PCLO: variants seen among roughly 807,000 people sequenced by gnomAD.
The protein encoded by PCLO is piccolo presynaptic cytomatrix protein.
In PCLO, 82 loss-of-function variants were observed where a neutral mutation model predicts 427.5. The observed-to-expected ratio is 0.19, with a 90% confidence interval of 0.16 to 0.23. The LOEUF is 0.23. Among genes scored for constraint, PCLO ranks in the 10% least tolerant of loss-of-function variants. The probability of loss-of-function intolerance (pLI) is 1.00; values close to 1 mark genes in which losing one functional copy is unlikely to be tolerated. For missense variants in PCLO, 6,239 were observed against 6,115.9 expected (o/e 1.02, Z -0.67); for synonymous variants, 2,357 against 2,155.4 (o/e 1.09, Z -2.59).
chr7:82,906,390 T>G (rs1313743161), intron 8 of PCLO, among the ~76,000 whole-genome samples: 1 of 152,022 alleles, frequency 6.6e-6, no homozygotes, highest in Non-Finnish European at 1.5e-5. Flanking sequence ...TGATTAGAGA[T>G]GCAAAGAAGT....
At position 82,952,514 on chromosome 7, in the gene PCLO, T is replaced by C. The variant is rs1795381518; in HGVS notation, c.8439A>G (p.Leu2813=). 1.9e-6 allele frequency: 3 copies of C among 1,613,940 alleles called. No individual in the cohort carries two copies. The highest frequency in any genetic ancestry group is 2.5e-6 in the Non-Finnish European group (3 of 1,179,836). ...TTGTCATTGCATGTTCTGCACCCAC[T>C]AGGCTTTCTGTGCCTGTAGTGTAAC... ...SASYTTGTES[L]VGAEHAMTTP... The change falls in exon 5 of 25, where the codon CTA becomes CTG. Residue 2813 remains leucine (L), a synonymous_variant. Transcript: ENST00000333891.
At chr7:83,150,641 T>G (rs1229741803) in intron 2 of PCLO, among the ~76,000 whole-genome samples, 3 of 150,814 alleles carry the variant, frequency 2.0e-5, no homozygotes, top group Non-Finnish European at 4.4e-5. Flanking sequence ...CCTTCCCAGA[T>G]CTGGTAGTCA....
At chr7:82,857,994 C>A (rs1042347127) in intron 10 of PCLO, among the ~76,000 whole-genome samples, 1 of 151,980 alleles carries the variant, frequency 6.6e-6, no homozygotes, top group East Asian at 1.9e-4. Flanking sequence ...TACCCTGATA[C>A]CAAGGCCAGA....
At position 82,915,404 on chromosome 7, in the gene PCLO, T is replaced by G; in HGVS notation, c.12582A>C (p.Ser4194=). The G allele has an allele frequency of 6.2e-7, 1 of 1,613,600 alleles. No homozygotes were observed. The highest frequency in any genetic ancestry group is 8.5e-7 in the Non-Finnish European group (1 of 1,179,708). ...LYQKQSKHKK[S]LIDPKMSKFS... ...ATTTTGACATTTTAGGGTCAATTAG[T>G]GATTTCTTATGCTTTGACTGCTTTT... is the stretch of plus-strand genomic sequence containing the variant. The change falls in exon 7 of 25, where the codon TCA becomes TCC. Residue 4194 remains serine, a synonymous_variant. Transcript: ENST00000333891.
intron 6 of PCLO, among the ~76,000 whole-genome samples, chr7:82,931,667 A>T (rs755072547): frequency 6.6e-6 from 1 of 152,102 alleles, no homozygotes; most frequent in Non-Finnish European, 1.5e-5. Context: ...AGAGCAATTC[A>T]GAATATGGGG....
chr7:83,131,573 T>C (rs2116603526), intron 3 of PCLO, among the ~76,000 whole-genome samples: 1 of 152,236 alleles, frequency 6.6e-6, no homozygotes, highest in South Asian at 2.1e-4. Flanking sequence ...CAGAAGCTTG[T>C]ATTAGAGAGT....
Position 82,758,596 on chromosome 7 carries a change from G to C in PCLO, c.15408C>G (p.Val5136=), listed in dbSNP as rs1387688233. 1 of 1,611,552 alleles carries C rather than the reference G, an allele frequency of 6.2e-7. No homozygotes were observed. The highest frequency in any genetic ancestry group is 8.5e-7 in the Non-Finnish European group (1 of 1,178,344). Reference sequence around the variant, plus strand: ...TTCTTCAATGCGTTTGAGTAGGACTGACCAAAAGTTTGTGCCAGTTGACTA... The same window carrying C: ...TTCTTCAATGCGTTTGAGTAGGACTCACCAAAAGTTTGTGCCAGTTGACTA... The part of the protein sequence containing the change: ...KRIVNWHKLL[V]SPTQTH Residue 5136 remains valine, a synonymous_variant, in exon 25 of 25, where the codon GTC becomes GTG. Transcript: ENST00000333891.
Position 83,155,514 on chromosome 7 carries a change from G to C in PCLO, c.1127C>G (p.Thr376Ser). Residue 376 changes from threonine (T) to serine (S), a missense_variant, in exon 2 of 25, where the codon ACT becomes AGT. By Grantham distance (58) the Thr-to-Ser change is moderately conservative. Around this residue, in one of 5 missense-constraint regions of PCLO, gnomAD observed 4,677 missense variants for 4,468.4 expected, o/e 1.05. Coordinates refer to ENST00000333891, the MANE Select transcript of PCLO (RefSeq NM_033026.6). ...LGPAKPPAQQ[T>S]GSEKPSSEQP... ...CTCCGATGAAGGCTTCTCTGACCCA[G>C]TCTGCTGAGCTGGAGGCTTAGCAGG... 2 of 1,396,448 alleles carry C rather than the reference G, an allele frequency of 1.4e-6. No homozygotes were observed. Among genetic ancestry groups the C allele is most frequent in the Non-Finnish European group, 1.9e-6 (2 of 1,031,276 alleles). The allele number at this position is 1,396,448 out of a possible 1,614,324, so 86.5% of individuals were successfully genotyped here.
intron 15 of PCLO, among the ~76,000 whole-genome samples, chr7:82,837,752 TATAA>T (rs1387046821): frequency 6.6e-6 from 1 of 152,022 alleles, no homozygotes; most frequent in Non-Finnish European, 1.5e-5. Context: ...GAAATATGTG[TATAA>T]ATAAGGATAC....
chr7:82,783,812 T>C (rs557364231), intron 22 of PCLO, among the ~76,000 whole-genome samples: 1 of 152,122 alleles, frequency 6.6e-6, no homozygotes, highest in Non-Finnish European at 1.5e-5. Context: ...ATGAAGCCAA[T>C]AGGGTAATCC....
At chr7:82,848,413 C>G (rs1422699528) in intron 10 of PCLO, among the ~76,000 whole-genome samples, 1 of 145,662 alleles carries the variant, frequency 6.9e-6, no homozygotes, top group Non-Finnish European at 1.5e-5. Context: ...CAGGTTCAAG[C>G]AATTCTCCTG....
intron 4 of PCLO, among the ~76,000 whole-genome samples, chr7:82,961,698 C>A (rs897559306): frequency 6.6e-6 from 1 of 152,144 alleles, no homozygotes; most frequent in Non-Finnish European, 1.5e-5. Context: ...GTCACATGGT[C>A]TGTGAGGAAT....
At chr7:82,998,808 A>C (rs1165316961) in intron 3 of PCLO, among the ~76,000 whole-genome samples, 1 of 151,800 alleles carries the variant, frequency 6.6e-6, no homozygotes, top group African/African-American at 2.4e-5. Flanking sequence ...CAAAAACAAA[A>C]ACAAAAACAA....
In PCLO at chr7:83,135,540, T is replaced by C. The variant is rs374871998; in HGVS notation, c.2010A>G (p.Ser670=). ...GCTGTGGGGATGATTTGCTCACTGC[T>C]GATGTAGTGGTAACAGGTGCAGTCT... is the stretch of plus-strand genomic sequence containing the variant. The part of the protein sequence containing the change: ...KLKTAPVTTT[S]AVSKSSPQPQ... Residue 670 remains serine, a synonymous_variant, in exon 3 of 25, where the codon TCA becomes TCG. Transcript: ENST00000333891. The C allele has an allele frequency of 4.6e-5, 74 of 1,613,580 alleles. 1 individual carries two copies. Among genetic ancestry groups the C allele is most frequent in the Non-Finnish European group, 1.7e-6 (2 of 1,179,778 alleles).
At chr7:83,022,551 G>A (rs1487784470) in intron 3 of PCLO, among the ~76,000 whole-genome samples, 2 of 152,030 alleles carry the variant, frequency 1.3e-5, no homozygotes, top group African/African-American at 4.8e-5. Context: ...AATATTGTTG[G>A]CAAATCCTAG....
intron 3 of PCLO, among the ~76,000 whole-genome samples, chr7:83,009,906 T>C (rs1788037569): frequency 6.6e-6 from 1 of 151,948 alleles, no homozygotes; most frequent in African/African-American, 2.4e-5. Context: ...AAATAGTCAA[T>C]TAAGACATTA....
intron 3 of PCLO, among the ~76,000 whole-genome samples, chr7:82,979,504 C>A (rs6967733): frequency 6.6e-6 from 1 of 152,026 alleles, no homozygotes; most frequent in Admixed American, 6.6e-5. Context: ...AAAATATTTA[C>A]TATTTGCTTT....
At position 82,877,082 on chromosome 7, in the gene PCLO, T is replaced by C. The variant is rs572187488; in HGVS notation, c.13654+2255A>G. On this transcript the variant is annotated intron_variant, in intron 10 of 24. Coordinates refer to ENST00000333891, the MANE Select transcript of PCLO (RefSeq NM_033026.6). ...AGTAGCAGTCTTAGAGCTTGTAAAA[T>C]CACAAATACAATTTTAGATTTACTT... 2.0e-5 allele frequency among the ~76,000 whole-genome samples: 3 copies of C among 152,188 alleles called. No individual in the cohort carries two copies. The South Asian group carries it at 6.2e-4, about 31-fold the overall frequency.
At chr7:82,773,860 A>G (rs954708288) in intron 22 of PCLO, among the ~76,000 whole-genome samples, 1 of 152,138 alleles carries the variant, frequency 6.6e-6, no homozygotes, top group African/African-American at 2.4e-5. Flanking sequence ...AATAATTACC[A>G]GCAAGAAATC....
Sources: gnomAD v4.1 joint callset for allele counts (sites outside exome capture counted in the v4.1 genomes callset) on GRCh38, gnomAD v4.1.1 for gene constraint, gnomAD v4.1.1 regional missense constraint, MANE v1.5 for transcripts, NCBI Gene and HGNC (gene_info 2026-07-23, HGNC 2026-07-21) for gene names.